The following CRYL1 variants were observed in gnomAD, a reference collection of about 807,000 sequenced individuals.
CRYL1 encodes the protein crystallin lambda 1.
CRYL1 carries 29 observed loss-of-function variants against 36.6 expected under a neutral mutation model. The ratio of observed to expected loss-of-function variants is 0.79; its 90% CI spans 0.59 to 1.08. CRYL1 has a LOEUF of 1.08. CRYL1 is among the 50% of genes least tolerant of loss of function. The pLI, the probability that CRYL1 is intolerant of heterozygous loss-of-function variation, is 0.00. For synonymous variants in CRYL1, 152 were observed against 151.5 expected, an observed-to-expected ratio of 1.00 and a Z score of -0.02; for missense variants, 411 against 407.9, an observed-to-expected ratio of 1.01 and a Z score of -0.06.
At chr13:20,475,133 G>C (rs1457556592) in intron 3 of CRYL1, among the ~76,000 whole-genome samples, 1 of 152,162 alleles carries the variant, frequency 6.6e-6, no homozygotes, top group Non-Finnish European at 1.5e-5. Flanking sequence ...CAGGCTACAG[G>C]GACAGGGAAG....
intron 1 of CRYL1, among the ~76,000 whole-genome samples, chr13:20,518,022 C>A (rs2034033702): frequency 6.6e-6 from 1 of 151,028 alleles, no homozygotes; most frequent in South Asian, 2.1e-4. Context: ...CAGGAACTAG[C>A]ACTCACCTTC....
intron 5 of CRYL1, among the ~76,000 whole-genome samples, chr13:20,417,969 C>T (rs750977590): frequency 6.6e-6 from 1 of 152,170 alleles, no homozygotes; most frequent in Non-Finnish European, 1.5e-5. Context: ...AAGGAATTGG[C>T]TCATGTGACT....
At chr13:20,505,381 A>AAAT (rs1292225610) in intron 2 of CRYL1, among the ~76,000 whole-genome samples, 9 of 138,840 alleles carry the variant, frequency 6.5e-5, no homozygotes, top group African/African-American at 2.4e-4. Context: ...AAAAAAAAAA[A>AAAT]ATCAGAATAT....
At position 20,446,760 on chromosome 13, in the gene CRYL1, G is replaced by A. The variant is rs74036358; in HGVS notation, c.277-7006C>T. 3.1e-3 allele frequency among the ~76,000 whole-genome samples: 473 copies of A among 152,208 alleles called. 2 individuals carry two copies. Among genetic ancestry groups the A allele is most frequent in the African/African-American group, 0.011 (455 of 41,538 alleles). On this transcript the variant is annotated intron_variant, in intron 3 of 7. Transcript: ENST00000298248. ...GAAGGACTGCAATTTTGTTAATCTCGAGGCTCTAATTATGCCTGTTGGTAG... is the reference window on the plus strand; with the variant it reads ...GAAGGACTGCAATTTTGTTAATCTCAAGGCTCTAATTATGCCTGTTGGTAG...
intron 3 of CRYL1, among the ~76,000 whole-genome samples, chr13:20,449,607 T>C (rs1172938168): frequency 6.7e-6 from 1 of 150,318 alleles, no homozygotes; most frequent in Non-Finnish European, 1.5e-5. Flanking sequence ...GCCAGAGCAA[T>C]CCAGGAAGAA....
intron 3 of CRYL1, among the ~76,000 whole-genome samples, chr13:20,457,595 C>T (rs996155663): frequency 2.2e-4 from 34 of 152,188 alleles, no homozygotes; most frequent in African/African-American, 8.0e-4. Flanking sequence ...GAAGTGTTTA[C>T]TTTTATCTCA....
chr13:20,414,255 T>TTTTGTG (rs777450852), intron 5 of CRYL1, among the ~76,000 whole-genome samples: 1 of 151,286 alleles, frequency 6.6e-6, no homozygotes, highest in East Asian at 1.9e-4. Flanking sequence ...AAGAGATTTT[T>TTTTGTG]TGTGTGTGTG....
At chr13:20,507,050 T>C (rs1055754827) in intron 2 of CRYL1, among the ~76,000 whole-genome samples, 3 of 152,236 alleles carry the variant, frequency 2.0e-5, no homozygotes. Context: ...GCACAAGTTC[T>C]CTTGTTGGCC....
chr13:20,464,812 G>C (rs1035026877), intron 3 of CRYL1, among the ~76,000 whole-genome samples: 3 of 152,284 alleles, frequency 2.0e-5, no homozygotes, highest in Non-Finnish European at 4.4e-5. Context: ...TGTCTCTTTT[G>C]CTTTAGATTC....
Position 20,431,246 on chromosome 13 carries a change from A to G in CRYL1, c.633+856T>C, listed in dbSNP as rs868313124. Reference sequence around the variant, plus strand: ...CTCAGGCAAGGCTCGGTGTGTGTCCATGCGAGTCCAAACAAGGAACTGTGG... The same window carrying G: ...CTCAGGCAAGGCTCGGTGTGTGTCCGTGCGAGTCCAAACAAGGAACTGTGG... On this transcript the variant is annotated intron_variant, in intron 5 of 7. Coordinates refer to ENST00000298248, the MANE Select transcript of CRYL1 (RefSeq NM_015974.3). 44 of 985,470 alleles carry G rather than the reference A, an allele frequency of 4.5e-5. No homozygotes were observed. In the Middle Eastern group the frequency reaches 1.6e-3, roughly 35 times the overall value. The allele number at this position is 985,470 out of a possible 1,614,324, so 61.0% of individuals were successfully genotyped here. A position where few individuals can be genotyped will look rare whatever the true frequency, so the allele number is the denominator to read the frequency against.
chr13:20,487,377 G>A (rs2033421726), intron 3 of CRYL1, among the ~76,000 whole-genome samples: 1 of 152,146 alleles, frequency 6.6e-6, no homozygotes, highest in Non-Finnish European at 1.5e-5. Context: ...TGCCAGCATT[G>A]TAGATGGGTT....
intron 3 of CRYL1, among the ~76,000 whole-genome samples, chr13:20,445,484 A>G (rs1252776642): frequency 6.6e-6 from 1 of 152,146 alleles, no homozygotes; most frequent in Non-Finnish European, 1.5e-5. Context: ...CTCAATCCAC[A>G]ATTAAGTTAG....
chr13:20,484,075 C>G (rs962676394), intron 3 of CRYL1, among the ~76,000 whole-genome samples: 1 of 152,238 alleles, frequency 6.6e-6, no homozygotes, highest in Non-Finnish European at 1.5e-5. Context: ...CTTGGCCTCC[C>G]AAAGTGCTGG....
At chr13:20,471,120 C>G (rs74036389) in intron 3 of CRYL1, among the ~76,000 whole-genome samples, 3 of 151,778 alleles carry the variant, frequency 2.0e-5, no homozygotes, top group Non-Finnish European at 4.4e-5. Context: ...AACTGCAGTA[C>G]GGGGGTGGTT....
At chr13:20,426,644 C>T in intron 5 of CRYL1, 2 of 969,294 alleles carry the variant, frequency 2.1e-6, no homozygotes, top group Non-Finnish European at 2.5e-6. Context: ...GTGGTATGTG[C>T]ATACAAATGA....
intron 3 of CRYL1, among the ~76,000 whole-genome samples, chr13:20,467,722 G>C (rs935209847): frequency 6.6e-6 from 1 of 152,182 alleles, no homozygotes; most frequent in African/African-American, 2.4e-5. Context: ...TCGGGATGCT[G>C]AGCCAGTGGA....
chr13:20,441,744 A>G (rs922980580), intron 3 of CRYL1, among the ~76,000 whole-genome samples: 3 of 152,232 alleles, frequency 2.0e-5, no homozygotes, highest in Non-Finnish European at 4.4e-5. Flanking sequence ...TATCTAATAT[A>G]TTGAAATCAG....
chr13:20,474,112 C>A (rs1565976429), intron 3 of CRYL1, among the ~76,000 whole-genome samples: 1 of 152,190 alleles, frequency 6.6e-6, no homozygotes, highest in East Asian at 1.9e-4. Context: ...GTCCTGAATT[C>A]CACAGAGAGC....
intron 2 of CRYL1, among the ~76,000 whole-genome samples, chr13:20,489,998 G>C (rs560358112): frequency 6.6e-6 from 1 of 152,178 alleles, no homozygotes; most frequent in Non-Finnish European, 1.5e-5. Flanking sequence ...GCTACAAAAT[G>C]GATGAACCTT....
Sources: gnomAD v4.1 joint callset for allele counts (sites outside exome capture counted in the v4.1 genomes callset) on GRCh38, gnomAD v4.1.1 for gene constraint, MANE v1.5 for transcripts, NCBI Gene and HGNC (gene_info 2026-07-23, HGNC 2026-07-21) for gene names.